The following TCF12 variants were observed in gnomAD, a reference collection of about 807,000 sequenced individuals.
TCF12 encodes the protein DNA-binding protein HTF4.
Under a neutral mutation model 86.0 loss-of-function variants are expected in TCF12, and 45 were observed. The ratio of observed to expected loss-of-function variants is 0.52; its 90% CI spans 0.41 to 0.67. The LOEUF (loss-of-function observed/expected upper bound fraction) is 0.67. Among genes scored for constraint, TCF12 ranks in the 30% least tolerant of loss-of-function variants. The pLI is 0.00. For synonymous variants in TCF12, 330 were observed against 299.6 expected (o/e 1.10, Z -1.05); for missense variants, 881 against 859.9 (o/e 1.02, Z -0.31).
At chr15:57,267,217 A>G (rs544452711) in intron 18 of TCF12, among the ~76,000 whole-genome samples, 2 of 152,330 alleles carry the variant, frequency 1.3e-5, no homozygotes, top group East Asian at 3.9e-4. Flanking sequence ...AAAGAAGCAG[A>G]ATGTTCCTTT....
intron 3 of TCF12, among the ~76,000 whole-genome samples, chr15:56,929,632 A>G (rs1190618546): frequency 6.6e-6 from 1 of 152,180 alleles, no homozygotes; most frequent in South Asian, 2.1e-4. Context: ...AGAAAAGAAA[A>G]TGCATTAGAG....
chr15:57,229,844 T>C (rs142625699), intron 8 of TCF12, among the ~76,000 whole-genome samples: 176 of 152,040 alleles, frequency 1.2e-3, no homozygotes, highest in African/African-American at 4.1e-3. Context: ...AATTGAATCT[T>C]GGGAAGATTA....
intron 3 of TCF12, among the ~76,000 whole-genome samples, chr15:57,028,908 C>T (rs535589008): frequency 6.6e-6 from 1 of 152,184 alleles, no homozygotes; most frequent in African/African-American, 2.4e-5. Flanking sequence ...AGCGATTCTC[C>T]TGCATCAGCT....
At chr15:56,941,005 C>G (rs1450154719) in intron 3 of TCF12, among the ~76,000 whole-genome samples, 5 of 149,306 alleles carry the variant, frequency 3.3e-5, no homozygotes, top group Non-Finnish European at 7.4e-5. Flanking sequence ...AAGCAGTCTT[C>G]TCACCTCAGC....
chr15:57,204,758 A>G (rs1345332437), intron 8 of TCF12, among the ~76,000 whole-genome samples: 1 of 140,716 alleles, frequency 7.1e-6, no homozygotes, highest in East Asian at 2.0e-4. Flanking sequence ...TCTAAACTGA[A>G]GATTTTTTTT....
At chr15:56,920,412 C>T (rs188360053) in intron 2 of TCF12, among the ~76,000 whole-genome samples, 9 of 151,450 alleles carry the variant, frequency 5.9e-5, no homozygotes, top group Admixed American at 2.6e-4. Flanking sequence ...AAGATGTCAG[C>T]GACAAGAAAA....
chr15:56,932,564 T>TA (rs2060293880), intron 3 of TCF12, among the ~76,000 whole-genome samples: 1 of 151,580 alleles, frequency 6.6e-6, no homozygotes, highest in Admixed American at 6.6e-5. Context: ...TTTATTTAAT[T>TA]ATTATTATTA....
chr15:56,952,373 A>G (rs2061319298), intron 3 of TCF12, among the ~76,000 whole-genome samples: 2 of 148,236 alleles, frequency 1.3e-5, no homozygotes, highest in East Asian at 2.0e-4. Flanking sequence ...TGGCTATTCT[A>G]GGTCCTCTGC....
At chr15:56,974,640 A>G (rs76053117) in intron 3 of TCF12, among the ~76,000 whole-genome samples, 4,464 of 152,194 alleles carry the variant, frequency 0.029, 185 homozygotes, top group African/African-American at 0.09. Flanking sequence ...TAATATTTAC[A>G]GCAATCCTAG....
rs200162342 is a variant in TCF12, at chr15:57,090,217, C to CAAAACA, written c.223-1549_223-1544dup. Among the ~76,000 whole-genome samples, 125 of 151,744 alleles carry CAAAACA rather than the reference C, an allele frequency of 8.2e-4. 2 individuals are homozygous for CAAAACA. Among genetic ancestry groups the CAAAACA allele is most frequent in the African/African-American group, 2.5e-3 (104 of 41,350 alleles). On this transcript the variant is annotated intron_variant, in intron 4 of 20. Coordinates refer to ENST00000333725, the MANE Select transcript of TCF12 (RefSeq NM_207037.2). ...GGCAACAGAGCGAGGGCCCTGTCTCCAAAACAAAAACAAAAACAAAAACAA... is the reference window on the plus strand; with the variant it reads ...GGCAACAGAGCGAGGGCCCTGTCTCCAAAACAAAAACAAAAACAAAAACAAAAACAA...
chr15:57,282,240 TGAA>T (rs2061723756), intron 19 of TCF12: 1 of 608,140 alleles, frequency 1.6e-6, no homozygotes, highest in South Asian at 2.1e-5. Flanking sequence ...AAGCAAAAAA[TGAA>T]GAAAACACAA....
At chr15:57,047,400 T>G (rs1246475140) in intron 3 of TCF12, among the ~76,000 whole-genome samples, 1 of 152,216 alleles carries the variant, frequency 6.6e-6, no homozygotes, top group Non-Finnish European at 1.5e-5. Flanking sequence ...ATTACCAGCT[T>G]ACTTTGAGAA....
At chr15:57,021,379 G>C (rs545917126) in intron 3 of TCF12, among the ~76,000 whole-genome samples, 3 of 152,194 alleles carry the variant, frequency 2.0e-5, no homozygotes, top group Non-Finnish European at 2.9e-5. Context: ...GGCATCGGGC[G>C]CGGTGGCTCA....
In TCF12 at chr15:57,200,644, CA is replaced by C. The variant is rs1179690778; in HGVS notation, c.579+2825del. Among the ~76,000 whole-genome samples the C allele has an allele frequency of 7.9e-5, 12 of 152,180 alleles. No individual in the cohort carries two copies. In the South Asian group the frequency reaches 1.5e-3, roughly 18 times the overall value. On this transcript the variant is annotated intron_variant, in intron 8 of 20. Coordinates refer to ENST00000333725, the MANE Select transcript of TCF12 (RefSeq NM_207037.2). ...GGACTAAGTATCGCTGATACTGATA[CA>C]AAAAATAATAGGCAGGGTTACTTAG...
chr15:56,976,224 C>CTTTTTT (rs35959497), intron 3 of TCF12, among the ~76,000 whole-genome samples: 28 of 57,370 alleles, frequency 4.9e-4, no homozygotes, highest in South Asian at 1.9e-3. Context: ...AAGGAAGTTT[C>CTTTTTT]TTTTTTTTTT....
chr15:56,977,934 A>G (rs1289863068), intron 3 of TCF12, among the ~76,000 whole-genome samples: 2 of 152,164 alleles, frequency 1.3e-5, no homozygotes, highest in African/African-American at 2.4e-5. Flanking sequence ...TTGCATTTCT[A>G]ACAGGTTCAT....
intron 5 of TCF12, among the ~76,000 whole-genome samples, chr15:57,159,390 A>G (rs1449580547): frequency 6.6e-6 from 1 of 152,182 alleles, no homozygotes; most frequent in Non-Finnish European, 1.5e-5. Flanking sequence ...ATGATATTTT[A>G]ATAGGATTTG....
intron 3 of TCF12, among the ~76,000 whole-genome samples, chr15:56,992,361 T>A (rs1486139855): frequency 2.0e-5 from 3 of 152,250 alleles, no homozygotes; most frequent in Non-Finnish European, 4.4e-5. Flanking sequence ...CTGCTTTTAA[T>A]TTTTTGTTGT....
chr15:57,245,101 A>G (rs1194328217), intron 13 of TCF12, among the ~76,000 whole-genome samples: 1 of 152,232 alleles, frequency 6.6e-6, no homozygotes, highest in Non-Finnish European at 1.5e-5. Flanking sequence ...TAATCAAGCC[A>G]TTAGTTAAGT....
Sources: gnomAD v4.1 joint callset for allele counts (sites outside exome capture counted in the v4.1 genomes callset) on GRCh38, gnomAD v4.1.1 for gene constraint, MANE v1.5 for transcripts, NCBI Gene and HGNC (gene_info 2026-07-23, HGNC 2026-07-21) for gene names.